SLC38A10: variants seen among roughly 807,000 people sequenced by gnomAD.
SLC38A10 encodes solute carrier family 38 member 10.
SLC38A10 carries 53 observed loss-of-function variants against 81.0 expected under a neutral mutation model. The ratio of observed to expected loss-of-function variants is 0.65; its 90% CI spans 0.53 to 0.82. SLC38A10 has a LOEUF of 0.82. SLC38A10 is among the 40% of genes least tolerant of loss of function. The pLI is 0.00. For synonymous variants in SLC38A10, 665 were observed against 655.3 expected, an observed-to-expected ratio of 1.01 and a Z score of -0.23; for missense variants, 1,471 against 1,545.0, an observed-to-expected ratio of 0.95 and a Z score of 0.80.
chr17:81,252,765 G>A (rs1598381256), intron 12 of SLC38A10, 82 bp from the exon 13 acceptor site: 1 of 1,504,176 alleles, frequency 6.6e-7, no homozygotes, highest in East Asian at 2.3e-5. Context: ...GTTCTTCCCT[G>A]GGTTCTGGCT....
intron 6 of SLC38A10, among the ~76,000 whole-genome samples, chr17:81,278,760 G>A (rs1391992560): frequency 1.3e-5 from 2 of 152,156 alleles, no homozygotes; most frequent in South Asian, 2.1e-4. Context: ...GGGGACCAGC[G>A]TTGGTGCCCC....
intron 1 of SLC38A10, 70 bp downstream of exon 1, chr17:81,294,753 G>A (rs2063335011): frequency 7.0e-7 from 1 of 1,425,144 alleles, no homozygotes; most frequent in Non-Finnish European, 9.4e-7. Context: ...ACTTTAACCA[G>A]GACGACCCAG....
chr17:81,280,089 G>A (rs1205388483), intron 6 of SLC38A10: 13 of 440,356 alleles, frequency 3.0e-5, no homozygotes, highest in East Asian at 7.2e-5. Flanking sequence ...CGAATCACTC[G>A]CTCTTGTCAT....
Position 81,255,356 on chromosome 17 carries a change from C to T in SLC38A10, c.1289-2116G>A, listed in dbSNP as rs148976398. Among the ~76,000 whole-genome samples, 55 of 152,352 alleles carry T rather than the reference C, an allele frequency of 3.6e-4. No homozygotes were observed. In the East Asian group the frequency reaches 9.4e-3, roughly 26 times the overall value. On this transcript the variant is annotated intron_variant, in intron 11 of 15. Transcript: ENST00000374759. ...CATCTTTGCGTCAGGGACAGTTTGC[C>T]GGCAGTGCCTCTTGGCTGCAGTAAA...
intron 11 of SLC38A10, among the ~76,000 whole-genome samples, chr17:81,255,720 G>T (rs2062965922): frequency 6.6e-6 from 1 of 152,238 alleles, no homozygotes; most frequent in Non-Finnish European, 1.5e-5. Context: ...TCCAGGCCAG[G>T]CATGATGGCT....
intron 8 of SLC38A10, among the ~76,000 whole-genome samples, chr17:81,274,471 A>T (rs1197806409): frequency 6.6e-6 from 1 of 152,188 alleles, no homozygotes; most frequent in Non-Finnish European, 1.5e-5. Flanking sequence ...CCTTGGCTGA[A>T]ACAGTTCAAG....
chr17:81,259,393 T>G (rs2063000960), intron 11 of SLC38A10, among the ~76,000 whole-genome samples: 1 of 152,258 alleles, frequency 6.6e-6, no homozygotes, highest in East Asian at 1.9e-4. Context: ...TGTGGATGCA[T>G]AAACCCAGCT....
rs769846905 is a variant in SLC38A10 at position 81,245,619 on chromosome 17, TC to T, written c.3296del (p.Gly1099GlufsTer27). ...GCCGGCTGTGGACCACCTGCAGAGC[TC>T]CCCCCGCAGCCTGGCGGAGCTGGGC... ...LDAQLRQAAG[G>X]ALQVVHSRQL... On this transcript the variant is annotated frameshift_variant, in exon 16 of 16. Coordinates refer to ENST00000374759, the MANE Select transcript of SLC38A10 (RefSeq NM_001037984.3). LOFTEE classifies it low-confidence loss of function (END_TRUNC). 5 of 1,611,608 alleles carry T rather than the reference TC, an allele frequency of 3.1e-6. No homozygotes were observed. Among genetic ancestry groups the T allele is most frequent in the Admixed American group, 1.7e-5 (1 of 59,884 alleles).
intron 2 of SLC38A10, 32 bp from the exon 3 acceptor site, chr17:81,284,927 A>G: frequency 6.5e-7 from 1 of 1,535,008 alleles, no homozygotes; most frequent in African/African-American, 1.4e-5. Context: ...CACTCAATCC[A>G]ACAGCGTGAG....
At chr17:81,285,964 C>T (rs1409911202) in intron 2 of SLC38A10, among the ~76,000 whole-genome samples, 1 of 152,200 alleles carries the variant, frequency 6.6e-6, no homozygotes, top group East Asian at 1.9e-4. Flanking sequence ...CTGGACCTGC[C>T]TATGGGCTCG....
chr17:81,270,636 A>G lies in SLC38A10; in HGVS notation c.1131+282T>C, dbSNP rs1435233982. Among the ~76,000 whole-genome samples the G allele has an allele frequency of 6.6e-6, 1 of 152,198 alleles. No individual in the cohort carries two copies. Among genetic ancestry groups the G allele is most frequent in the Admixed American group, 6.5e-5 (1 of 15,278 alleles). ...AGGTCCATGGGCAATCAGGCATCGC[A>G]GAAACACCATGGGGAAAGCGCTTAC... On this transcript the variant is annotated intron_variant, in intron 10 of 15. Transcript: ENST00000374759. The surrounding 1 kb of genome is among the most constrained non-coding windows in gnomAD (Gnocchi z 4.0).
Position 81,245,888 on chromosome 17 carries a change from G to A in SLC38A10, c.3028C>T (p.Gln1010Ter). 1.2e-6 allele frequency: 2 copies of A among 1,612,202 alleles called. No homozygotes were observed. Among genetic ancestry groups the A allele is most frequent in the Non-Finnish European group, 1.7e-6 (2 of 1,179,604 alleles). Residue 1010 changes from glutamine (Q) to a stop codon, truncating the protein, a stop_gained, in exon 16 of 16, where the codon CAG (glutamine) becomes TAG (stop). Transcript: ENST00000374759. LOFTEE classifies it low-confidence loss of function (END_TRUNC). ...QPRGGEDAAV[Q>*]EPRQRPEPEL... ...GGCTCTGGCCTCTGCCTGGGCTCCTGGACAGCAGCGTCCTCCCCGCCTCTC... is the reference window on the plus strand; with the variant it reads ...GGCTCTGGCCTCTGCCTGGGCTCCTAGACAGCAGCGTCCTCCCCGCCTCTC...
At chr17:81,255,654 G>A (rs955887100) in intron 11 of SLC38A10, among the ~76,000 whole-genome samples, 2 of 152,214 alleles carry the variant, frequency 1.3e-5, no homozygotes, top group African/African-American at 4.8e-5. Context: ...GGAACACCCA[G>A]CAGAGGGTGC....
Position 81,246,350 on chromosome 17 carries a change from C to A in SLC38A10, c.2566G>T (p.Glu856Ter). 6.2e-7 allele frequency: 1 copy of A among 1,606,408 alleles called. No individual in the cohort carries two copies. The highest frequency in any genetic ancestry group is 8.5e-7 in the Non-Finnish European group (1 of 1,178,992). ...GCGGGGTCTGGCACGGGCACCTGCT[C>A]CGGGCCCTTGGGGAGCTCCTTCACA... Reference protein sequence around the residue: ...GTVKELPKGPEQVPVPDPARE... With the variant: ...GTVKELPKGP The change falls in exon 16 of 16, where the codon GAG becomes TAG. Residue 856 changes from glutamate (E) to a stop codon, truncating the protein, a stop_gained. Coordinates refer to ENST00000374759, the MANE Select transcript of SLC38A10 (RefSeq NM_001037984.3). LOFTEE classifies it low-confidence loss of function (END_TRUNC).
chr17:81,257,661 T>C (rs1003550071), intron 11 of SLC38A10, among the ~76,000 whole-genome samples: 1 of 152,232 alleles, frequency 6.6e-6, no homozygotes, highest in African/African-American at 2.4e-5. Context: ...ACTGTGGCCA[T>C]CTCTGCCCCC....
rs370789260 is a variant in SLC38A10 at position 81,287,165 on chromosome 17, G to C, written c.218-2270C>G. ...ACCAACAAAAAACGACACCTCTCCAGGCTGGCACATGGCACTGGAGGACAG... is the reference window on the plus strand; with the variant it reads ...ACCAACAAAAAACGACACCTCTCCACGCTGGCACATGGCACTGGAGGACAG... On this transcript the variant is annotated intron_variant, in intron 2 of 15. Transcript: ENST00000374759. Among the ~76,000 whole-genome samples, 17 of 152,342 alleles carry C rather than the reference G, an allele frequency of 1.1e-4. 1 individual carries two copies. In the East Asian group the frequency reaches 2.9e-3, roughly 26 times the overall value.
At position 81,282,262 on chromosome 17, in the gene SLC38A10, T is replaced by C. The variant is rs758249695; in HGVS notation, c.428A>G (p.Gln143Arg). Reference protein sequence around the residue: ...SLCIVLPLSLQRNMMASIQSF... With the variant: ...SLCIVLPLSLRRNMMASIQSF... ...CTGGATGGAGGCCATCATGTTCCGCTGCAGGCTGAGCGGGAGCACGATGCA... is the reference window on the plus strand; with the variant it reads ...CTGGATGGAGGCCATCATGTTCCGCCGCAGGCTGAGCGGGAGCACGATGCA... Residue 143 changes from glutamine to arginine, a missense_variant, in exon 5 of 16, where the codon CAG becomes CGG. This residue lies in a region of SLC38A10 where 720 missense variants were observed against 827.7 expected (regional missense o/e 0.87). Coordinates refer to ENST00000374759, the MANE Select transcript of SLC38A10 (RefSeq NM_001037984.3). 2 of 1,613,618 alleles carry C rather than the reference T, an allele frequency of 1.2e-6. No individual in the cohort carries two copies. The highest frequency in any genetic ancestry group is 2.2e-5 in the East Asian group (1 of 44,886).
chr17:81,256,416 G>A (rs538867676), intron 11 of SLC38A10, among the ~76,000 whole-genome samples: 236 of 152,318 alleles, frequency 1.5e-3, no homozygotes, highest in Non-Finnish European at 2.5e-3. Flanking sequence ...GCTGCCGTCC[G>A]GACCCCAAGA....
intron 10 of SLC38A10, 104 bp from the exon 11 acceptor site, chr17:81,260,498 C>T (rs907149170): frequency 1.8e-5 from 25 of 1,402,946 alleles, no homozygotes; most frequent in Admixed American, 5.3e-5. Flanking sequence ...GGGTGAGGCA[C>T]GAGGAGAGTG....
Sources: allele counts gnomAD v4.1 joint callset (sites outside exome capture counted in the v4.1 genomes callset), GRCh38; gene constraint gnomAD v4.1.1; regional missense constraint gnomAD v4.1.1; non-coding constraint Gnocchi (gnomAD v3.1); transcripts MANE v1.5; gene names NCBI Gene and HGNC (gene_info 2026-07-23, HGNC 2026-07-21).